GPM6A: variants seen among roughly 807,000 people sequenced by gnomAD.
GPM6A encodes the protein neuronal membrane glycoprotein M6-a.
Under a neutral mutation model 32.1 loss-of-function variants are expected in GPM6A, and 7 were observed. The observed-to-expected ratio is 0.22, with a 90% CI of 0.12 to 0.41. The LOEUF (loss-of-function observed/expected upper bound fraction) is 0.41. GPM6A is among the 10% of genes least tolerant of loss of function. The pLI is 1.00. For synonymous variants in GPM6A, 130 were observed against 123.4 expected (o/e 1.05, Z -0.35); for missense variants, 235 against 347.2 (o/e 0.68, Z 2.57).
At chr4:175,678,454 T>C (rs1386868175) in intron 2 of GPM6A, among the ~76,000 whole-genome samples, 1 of 152,010 alleles carries the variant, frequency 6.6e-6, no homozygotes, top group Non-Finnish European at 1.5e-5. Context: ...AAGAGCAAAA[T>C]GAGGGGATAG....
At chr4:175,665,853 A>G (rs1742721216) in intron 3 of GPM6A, among the ~76,000 whole-genome samples, 1 of 151,786 alleles carries the variant, frequency 6.6e-6, no homozygotes, top group African/African-American at 2.4e-5. Context: ...GGAAATTTCC[A>G]TTTGGTGAGT....
intron 1 of GPM6A, among the ~76,000 whole-genome samples, chr4:175,748,753 G>C (rs1452115884): frequency 6.6e-6 from 1 of 152,132 alleles, no homozygotes; most frequent in African/African-American, 2.4e-5. Flanking sequence ...GCCAGGCATT[G>C]ACTTCTCCTC....
At chr4:175,680,820 C>T (rs568992114) in intron 2 of GPM6A, among the ~76,000 whole-genome samples, 19 of 152,314 alleles carry the variant, frequency 1.2e-4, no homozygotes, top group African/African-American at 4.6e-4. Context: ...CTTCTTTTTA[C>T]ATGAAATGTG....
At chr4:175,722,003 T>A (rs1463244976) in intron 1 of GPM6A, among the ~76,000 whole-genome samples, 1 of 152,178 alleles carries the variant, frequency 6.6e-6, no homozygotes, top group Non-Finnish European at 1.5e-5. Flanking sequence ...AATTATATTA[T>A]GCGCCAGGTG....
At chr4:175,740,383 G>A (rs766601433) in intron 1 of GPM6A, among the ~76,000 whole-genome samples, 1 of 151,926 alleles carries the variant, frequency 6.6e-6, no homozygotes, top group Non-Finnish European at 1.5e-5. Context: ...TGCAAATTAT[G>A]AATAAAATTT....
chr4:175,859,841 A>T (rs949903359), intron 1 of GPM6A, among the ~76,000 whole-genome samples: 22 of 152,196 alleles, frequency 1.4e-4, no homozygotes, highest in Admixed American at 1.4e-3. Flanking sequence ...GGAATTTAAA[A>T]TAACCATGAG....
intron 2 of GPM6A, among the ~76,000 whole-genome samples, chr4:175,686,610 A>G (rs565017031): frequency 2.6e-4 from 39 of 152,320 alleles, no homozygotes; most frequent in African/African-American, 8.7e-4. Context: ...ACAAGCAAGG[A>G]GCAGAATTTC....
intron 1 of GPM6A, among the ~76,000 whole-genome samples, chr4:175,727,383 G>GA (rs571244275): frequency 1.4e-3 from 214 of 152,140 alleles, no homozygotes; most frequent in Non-Finnish European, 2.6e-3. Flanking sequence ...GTTGCAAATG[G>GA]AAAAAAATAC....
At chr4:175,651,174 G>T (rs1172523198) in intron 4 of GPM6A, among the ~76,000 whole-genome samples, 3 of 151,998 alleles carry the variant, frequency 2.0e-5, no homozygotes, top group Non-Finnish European at 4.4e-5. Context: ...CCTCAGTTTT[G>T]TCATCTACAA....
chr4:175,866,380 G>C (rs768652883), intron 1 of GPM6A, among the ~76,000 whole-genome samples: 5 of 152,118 alleles, frequency 3.3e-5, no homozygotes, highest in African/African-American at 4.8e-5. Flanking sequence ...TATCGTTAGA[G>C]TATCATACAG....
intron 1 of GPM6A, among the ~76,000 whole-genome samples, chr4:175,759,461 TTTTGTTATGAA>T (rs1489015579): frequency 6.6e-6 from 1 of 152,196 alleles, no homozygotes; most frequent in East Asian, 1.9e-4. Context: ...GCTAAATAAT[TTTTGTTATGAA>T]TTTCAAGGGT....
chr4:175,729,779 TTATAA>T (rs1475177453), intron 1 of GPM6A, among the ~76,000 whole-genome samples: 2 of 126,994 alleles, frequency 1.6e-5, no homozygotes, highest in South Asian at 2.4e-4. Flanking sequence ...ATTATATTAT[TTATAA>T]TATATTATCT....
chr4:175,954,153 A>G (rs1287291687), intron 1 of GPM6A, among the ~76,000 whole-genome samples: 1 of 152,206 alleles, frequency 6.6e-6, no homozygotes, highest in Non-Finnish European at 1.5e-5. Context: ...CACTAGTCAC[A>G]TGTGGCTATT....
upstream of GPM6A, chr4:176,002,391 C>G (rs1234346776): frequency 1.9e-6 from 3 of 1,547,980 alleles, no homozygotes; most frequent in African/African-American, 2.7e-5. Flanking sequence ...TTCTCCAAGC[C>G]GCGCTGAGGC....
intron 1 of GPM6A, among the ~76,000 whole-genome samples, chr4:175,797,193 G>T (rs1303839994): frequency 6.6e-6 from 1 of 152,054 alleles, no homozygotes; most frequent in Non-Finnish European, 1.5e-5. Flanking sequence ...GTAATAGCTG[G>T]GATACTGATA....
chr4:175,713,752 A>G (rs1745681914), intron 1 of GPM6A, among the ~76,000 whole-genome samples: 1 of 152,212 alleles, frequency 6.6e-6, no homozygotes, highest in African/African-American at 2.4e-5. Flanking sequence ...ACATCTTTAA[A>G]CAGGAAAAAA....
intron 1 of GPM6A, among the ~76,000 whole-genome samples, chr4:175,822,722 A>G (rs1735315836): frequency 6.6e-6 from 1 of 151,642 alleles, no homozygotes; most frequent in South Asian, 2.1e-4. Flanking sequence ...CAGGTTTGTT[A>G]CATAGGTATA....
At chr4:175,650,099 C>T (rs1255410703) in intron 4 of GPM6A, among the ~76,000 whole-genome samples, 1 of 151,982 alleles carries the variant, frequency 6.6e-6, no homozygotes, top group African/African-American at 2.4e-5. Context: ...AGTAAAACCT[C>T]CCCAATGTCC....
intron 1 of GPM6A, among the ~76,000 whole-genome samples, chr4:175,886,328 T>C (rs1737454286): frequency 6.6e-6 from 1 of 152,104 alleles, no homozygotes; most frequent in African/African-American, 2.4e-5. Context: ...AAAGCAGCAA[T>C]GTAATCCAAC....
Sources: gnomAD v4.1 joint callset for allele counts (sites outside exome capture counted in the v4.1 genomes callset) on GRCh38, gnomAD v4.1.1 for gene constraint, MANE v1.5 for transcripts, NCBI Gene and HGNC (gene_info 2026-07-23, HGNC 2026-07-21) for gene names.